VAV3: variants seen among roughly 807,000 people sequenced by gnomAD.
VAV3 encodes the protein vav guanine nucleotide exchange factor 3, also known as guanine nucleotide exchange factor VAV3.
VAV3 carries 94 observed loss-of-function variants against 131.2 expected under a neutral mutation model. The ratio of observed to expected loss-of-function variants is 0.72; its 90% confidence interval spans 0.61 to 0.85. VAV3 has a LOEUF of 0.85. Among genes scored for constraint, VAV3 ranks in the 40% least tolerant of loss-of-function variants. The probability of loss-of-function intolerance (pLI) is 0.00; values close to 1 mark genes in which losing one functional copy is unlikely to be tolerated. For synonymous variants in VAV3, 349 were observed against 342.0 expected (o/e 1.02, Z -0.22); for missense variants, 939 against 1,002.7 (o/e 0.94, Z 0.86).
intron 2 of VAV3, among the ~76,000 whole-genome samples, chr1:107,866,822 C>CAAAAAAAAAAAA (rs66866060): frequency 6.4e-4 from 38 of 59,204 alleles, no homozygotes; most frequent in African/African-American, 2.9e-3. Context: ...GACTCCATCT[C>CAAAAAAAAAAAA]AAAAAAAAAA....
intron 1 of VAV3, among the ~76,000 whole-genome samples, chr1:107,940,188 C>G (rs953098332): frequency 6.6e-6 from 1 of 152,168 alleles, no homozygotes; most frequent in Non-Finnish European, 1.5e-5. Context: ...CAGCTTCAAG[C>G]TGTAATGAAG....
intron 1 of VAV3, among the ~76,000 whole-genome samples, chr1:107,889,125 T>C (rs1671186345): frequency 1.2e-5 from 1 of 86,564 alleles, no homozygotes; most frequent in South Asian, 4.0e-4. Flanking sequence ...CAAGTTCTCC[T>C]GTGTAGAGTG....
At chr1:107,791,136 C>T (rs188560413) in intron 2 of VAV3, among the ~76,000 whole-genome samples, 1 of 152,214 alleles carries the variant, frequency 6.6e-6, no homozygotes, top group Non-Finnish European at 1.5e-5. Flanking sequence ...TAACTCTGGG[C>T]ATGTTTGCTG....
In VAV3 at chr1:107,907,433, T is replaced by TA. The variant is rs529729782; in HGVS notation, c.205-32417dup. Reference sequence around the variant, plus strand: ...CCTTTTTAACACAAAAATTTTAAGATATATGTATAACTGCTATCATTTAAA... The same window carrying TA: ...CCTTTTTAACACAAAAATTTTAAGATAATATGTATAACTGCTATCATTTAAA... On this transcript the variant is annotated intron_variant, in intron 1 of 26. Transcript: ENST00000370056. Among the ~76,000 whole-genome samples the TA allele has an allele frequency of 1.9e-3, 292 of 152,286 alleles. 3 individuals carry two copies. Among genetic ancestry groups the TA allele is most frequent in the African/African-American group, 6.9e-3 (288 of 41,554 alleles).
chr1:107,879,224 T>C (rs1265437070), intron 1 of VAV3, among the ~76,000 whole-genome samples: 5 of 152,170 alleles, frequency 3.3e-5, no homozygotes, highest in Non-Finnish European at 7.3e-5. Context: ...AAATAAGTCT[T>C]ATTTTCATTT....
intron 1 of VAV3, among the ~76,000 whole-genome samples, chr1:107,883,943 A>G (rs1200939694): frequency 1.3e-5 from 2 of 152,168 alleles, no homozygotes; most frequent in Non-Finnish European, 2.9e-5. Context: ...TTGTGTTTTT[A>G]GTCTTTGCAC....
intron 19 of VAV3, among the ~76,000 whole-genome samples, chr1:107,677,578 C>G (rs11589278): frequency 6.6e-6 from 1 of 152,100 alleles, no homozygotes; most frequent in Non-Finnish European, 1.5e-5. Context: ...GATAAATGTT[C>G]GAAGTAGCTC....
intron 1 of VAV3, among the ~76,000 whole-genome samples, chr1:107,897,856 G>A (rs571887249): frequency 6.6e-6 from 1 of 152,198 alleles, no homozygotes; most frequent in East Asian, 1.9e-4. Flanking sequence ...TTTTATTGCT[G>A]TACCTTACTT....
chr1:107,758,764 T>G (rs1416800684), intron 10 of VAV3, among the ~76,000 whole-genome samples: 2 of 152,230 alleles, frequency 1.3e-5, no homozygotes, highest in Admixed American at 1.3e-4. Flanking sequence ...CCTCCTAGAC[T>G]CCTCATGATC....
chr1:107,722,842 T>TC (rs1661584782), intron 15 of VAV3, among the ~76,000 whole-genome samples: 3 of 97,084 alleles, frequency 3.1e-5, no homozygotes, highest in African/African-American at 3.3e-5. Context: ...TATCCTCTCT[T>TC]TTTTTTTTTT....
At chr1:107,690,447 A>C (rs549976490) in intron 17 of VAV3, among the ~76,000 whole-genome samples, 96 of 152,290 alleles carry the variant, frequency 6.3e-4, no homozygotes, top group Admixed American at 8.5e-4. Flanking sequence ...TTTGGCTGCC[A>C]GGTGGCCAGC....
intron 2 of VAV3, among the ~76,000 whole-genome samples, chr1:107,843,020 G>A (rs1227755436): frequency 6.6e-6 from 1 of 152,134 alleles, no homozygotes; most frequent in Non-Finnish European, 1.5e-5. Flanking sequence ...CAGACAGAGA[G>A]AATGCTATTT....
intron 2 of VAV3, among the ~76,000 whole-genome samples, chr1:107,873,272 A>C (rs1670333895): frequency 6.6e-6 from 1 of 152,192 alleles, no homozygotes; most frequent in African/African-American, 2.4e-5. Context: ...ATTCCAGTAG[A>C]ACACCACCAT....
At chr1:107,896,035 C>A (rs543916592) in intron 1 of VAV3, among the ~76,000 whole-genome samples, 1 of 152,208 alleles carries the variant, frequency 6.6e-6, no homozygotes, top group African/African-American at 2.4e-5. Flanking sequence ...AGTAACTCTC[C>A]GTGCCAGAGG....
intron 15 of VAV3, among the ~76,000 whole-genome samples, chr1:107,717,781 C>T (rs1229518226): frequency 6.6e-6 from 1 of 152,104 alleles, no homozygotes; most frequent in Non-Finnish European, 1.5e-5. Flanking sequence ...GAGTTCAAGT[C>T]CTGGATATCC....
chr1:107,680,441 C>T (rs1658521569), intron 19 of VAV3, among the ~76,000 whole-genome samples: 1 of 152,074 alleles, frequency 6.6e-6, no homozygotes, highest in African/African-American at 2.4e-5. Context: ...TATTAAAGAA[C>T]ATGCTCTAAT....
At chr1:107,772,002 TAGAG>T (rs1665076129) in intron 5 of VAV3, among the ~76,000 whole-genome samples, 1 of 152,166 alleles carries the variant, frequency 6.6e-6, no homozygotes, top group African/African-American at 2.4e-5. Context: ...AGTAGGAACA[TAGAG>T]AGAGCTAAGC....
intron 25 of VAV3, among the ~76,000 whole-genome samples, chr1:107,593,483 A>G (rs1457080190): frequency 6.6e-6 from 1 of 152,144 alleles, no homozygotes; most frequent in Admixed American, 6.6e-5. Context: ...CCTGCTCTGT[A>G]TCCTCCAAGG....
chr1:107,573,940 A>G, intron 26 of VAV3, 107 bp downstream of exon 26: 5 of 1,416,446 alleles, frequency 3.5e-6, no homozygotes, highest in Non-Finnish European at 4.7e-6. Flanking sequence ...TGTGGGCTGA[A>G]AGCTGTAATA....
Sources: gnomAD v4.1 joint callset for allele counts (sites outside exome capture counted in the v4.1 genomes callset) on GRCh38, gnomAD v4.1.1 for gene constraint, MANE v1.5 for transcripts, NCBI Gene and HGNC (gene_info 2026-07-23, HGNC 2026-07-21) for gene names.